Variants in DERL2 observed in about 807,000 individuals in gnomAD.
DERL2 encodes the protein derlin 2.
Under a neutral mutation model 32.0 loss-of-function variants are expected in DERL2, and 13 were observed. That is an observed-to-expected ratio of 0.41 (90% CI 0.26 to 0.65). DERL2 has a LOEUF of 0.65. Among genes scored for constraint, DERL2 ranks in the 30% least tolerant of loss-of-function variants. The pLI is 0.35. For missense variants in DERL2, 208 were observed against 296.3 expected, an observed-to-expected ratio of 0.70 and a Z score of 2.19; for synonymous variants, 111 against 104.7, an observed-to-expected ratio of 1.06 and a Z score of -0.37.
chr17:5,476,444 G>GTT (rs1246688605), intron 6 of DERL2, among the ~76,000 whole-genome samples: 3 of 152,168 alleles, frequency 2.0e-5, no homozygotes, highest in African/African-American at 7.2e-5. Flanking sequence ...GTCAATAAAC[G>GTT]TGAGAATGTT....
At position 5,474,937 on chromosome 17, in the gene DERL2, A is replaced by G; in HGVS notation, c.615-148T>C. 2.1e-6 allele frequency: 1 copy of G among 466,408 alleles called. No individual in the cohort carries two copies. Among genetic ancestry groups the G allele is most frequent in the South Asian group, 4.0e-5 (1 of 24,760 alleles). The allele number at this position is 466,408 out of a possible 1,614,324, so 28.9% of individuals were successfully genotyped here. ...TAAACAGTTAACATATTGTAAGAGC[A>G]TCTATAATTATTAACATTTACATTA... On this transcript the variant is annotated intron_variant, in intron 6 of 6. Coordinates refer to ENST00000158771, the MANE Select transcript of DERL2 (RefSeq NM_016041.5). The surrounding 1 kb of genome is among the most constrained non-coding windows in gnomAD (Gnocchi z 4.3).
At position 5,485,564 on chromosome 17, in the gene DERL2, G is replaced by A. The variant is rs145792174; in HGVS notation, c.94-348C>T. 2.5e-3 allele frequency among the ~76,000 whole-genome samples: 382 copies of A among 152,318 alleles called. 5 individuals are homozygous for A. Among genetic ancestry groups the A allele is most frequent in the Admixed American group, 0.021 (327 of 15,306 alleles). On this transcript the variant is annotated intron_variant, in intron 1 of 6. Transcript: ENST00000158771. ...TGGGCACCACCTGAAACAGCTGTAT[G>A]AAACAACAAAACTCACTTGAAATAA...
Position 5,485,158 on chromosome 17 carries a change from T to C in DERL2, c.152A>G (p.His51Arg). Residue 51 changes from histidine (H) to arginine (R), a missense_variant, in exon 2 of 7, where the codon CAC becomes CGC. Around this residue, in one of 3 missense-constraint regions of DERL2, gnomAD observed 124 missense variants for 215.3 expected, o/e 0.58. Coordinates refer to ENST00000158771, the MANE Select transcript of DERL2 (RefSeq NM_016041.5). ...TTGTGATGAACCACTTACTTGAAAGTGTTTAAAGATTAATTCAGGATTGAA... is the reference window on the plus strand; with the variant it reads ...TTGTGATGAACCACTTACTTGAAAGCGTTTAAAGATTAATTCAGGATTGAA... ...LYFNPELIFK[H>R]FQIWRLITNF... 8 of 1,583,618 alleles carry C rather than the reference T, an allele frequency of 5.1e-6. No individual in the cohort carries two copies. Among genetic ancestry groups the C allele is most frequent in the South Asian group, 2.3e-5 (2 of 85,928 alleles).
At chr17:5,482,965 T>C in intron 2 of DERL2, 83 bp from the exon 3 acceptor site, 1 of 732,390 alleles carries the variant, frequency 1.4e-6, no homozygotes, top group Non-Finnish European at 2.2e-6. Context: ...AAAAGAAACA[T>C]CCTATGACTG....
chr17:5,472,009 A>G lies in DERL2; in HGVS notation c.*2675T>C, dbSNP rs1905145562. On this transcript the variant is annotated 3_prime_UTR_variant, in exon 7 of 7. Coordinates refer to ENST00000158771, the MANE Select transcript of DERL2 (RefSeq NM_016041.5). ...AGAGGTATGAAAGATATGAGGACAT[A>G]CAAGAGTGACACAGAAAAAACAAGA... 1 of 152,240 alleles carries G rather than the reference A, an allele frequency of 6.6e-6. No homozygotes were observed. Among genetic ancestry groups the G allele is most frequent in the African/African-American group, 2.4e-5 (1 of 41,454 alleles). 9.4% of individuals were successfully genotyped at this position (152,240 alleles called of 1,614,324 possible). A position where few individuals can be genotyped will look rare whatever the true frequency, so the allele number is the denominator to read the frequency against.
chr17:5,486,352 C>T (rs939895848), upstream of DERL2: 11 of 441,988 alleles, frequency 2.5e-5, no homozygotes, highest in African/African-American at 2.7e-4. Flanking sequence ...GTTGCGTCGC[C>T]ACCGCCCCCC....
intron 2 of DERL2, among the ~76,000 whole-genome samples, chr17:5,484,707 T>C (rs1043495129): frequency 9.2e-5 from 14 of 152,186 alleles, no homozygotes; most frequent in African/African-American, 3.4e-4. Flanking sequence ...TGGACCATGG[T>C]GATAACACCA....
chr17:5,479,978 G>C lies in DERL2; in HGVS notation c.614+76C>G, dbSNP rs183640583. 4.2e-4 allele frequency: 367 copies of C among 881,348 alleles called. 2 individuals carry two copies. The East Asian group carries it at 4.5e-3, about 11-fold the overall frequency. The allele number at this position is 881,348 out of a possible 1,614,324, so 54.6% of individuals were successfully genotyped here. A position where few individuals can be genotyped will look rare whatever the true frequency, so the allele number is the denominator to read the frequency against. The stretch of plus-strand genomic sequence containing the variant: ...GAGCTATGTGTACTAGGAGCTAGGG[G>C]AGCCAAAGAAAACACAGATCATGCC... On this transcript the variant is annotated intron_variant, in intron 6 of 6. Transcript: ENST00000158771.
rs769138258 is a variant in DERL2, at chr17:5,480,176, G to A, written c.524-32C>T. The A allele has an allele frequency of 6.8e-6, 10 of 1,477,966 alleles. No individual in the cohort carries two copies. The South Asian group carries it at 1.1e-4, about 16-fold the overall frequency. The allele number at this position is 1,477,966 out of a possible 1,614,324, so 91.6% of individuals were successfully genotyped here. The stretch of plus-strand genomic sequence containing the variant: ...TCAAGCAGAAATAAAGGATGAGGGA[G>A]AGAATTAAAATTTAGATTGCAGGTA... On this transcript the variant is annotated intron_variant, in intron 5 of 6. Coordinates refer to ENST00000158771, the MANE Select transcript of DERL2 (RefSeq NM_016041.5).
At chr17:5,483,180 C>T (rs995760962) in intron 2 of DERL2, among the ~76,000 whole-genome samples, 1 of 151,770 alleles carries the variant, frequency 6.6e-6, no homozygotes, top group Non-Finnish European at 1.5e-5. Context: ...CTAGGTTAAT[C>T]GGCAGAACAG....
In DERL2 at chr17:5,474,358, T is replaced by A. The variant is rs142380077; in HGVS notation, c.*326A>T. ...TGAAACTTCCATTTACACCATGGCC[T>A]CATCTATCAAGAAGAGGAAGAAAAG... On this transcript the variant is annotated 3_prime_UTR_variant, in exon 7 of 7. Transcript: ENST00000158771. This position sits in a 1 kb window ranked among gnomAD's most constrained non-coding sequence, Gnocchi z 4.3. 6 of 191,156 alleles carry A rather than the reference T, an allele frequency of 3.1e-5. No homozygotes were observed. In the East Asian group the frequency reaches 6.5e-4, roughly 21 times the overall value. 11.8% of individuals were successfully genotyped at this position (191,156 alleles called of 1,614,324 possible).
At position 5,481,798 on chromosome 17, in the gene DERL2, T is replaced by C. The variant is rs936943530; in HGVS notation, c.234-409A>G. Among the ~76,000 whole-genome samples the C allele has an allele frequency of 7.9e-5, 12 of 152,046 alleles. No individual in the cohort carries two copies. Among genetic ancestry groups the C allele is most frequent in the African/African-American group, 2.4e-5 (1 of 41,414 alleles). On this transcript the variant is annotated intron_variant, in intron 3 of 6. Transcript: ENST00000158771. The surrounding 1 kb of genome is among the most constrained non-coding windows in gnomAD (Gnocchi z 4.4). ...CTGAGTAGCTGGGATTACAGTTGTG[T>C]GCCACCATGCCAGGCTATTTTTTGT...
In DERL2 at chr17:5,481,198, G is replaced by GA. The variant is rs370307468; in HGVS notation, c.327+97dup. Reference sequence around the variant, plus strand: ...GCTGTAAAATAAATGATAGTGCCCTGAAGCTAAGATCTAGAGAACTGTGGG... The same window carrying GA: ...GCTGTAAAATAAATGATAGTGCCCTGAAAGCTAAGATCTAGAGAACTGTGGG... On this transcript the variant is annotated intron_variant, in intron 4 of 6. Coordinates refer to ENST00000158771, the MANE Select transcript of DERL2 (RefSeq NM_016041.5). The surrounding 1 kb of genome is among the most constrained non-coding windows in gnomAD (Gnocchi z 4.4). 12 of 898,770 alleles carry GA rather than the reference G, an allele frequency of 1.3e-5. No homozygotes were observed. The highest frequency in any genetic ancestry group is 3.4e-5 in the African/African-American group (2 of 59,536). 55.7% of individuals were successfully genotyped at this position (898,770 alleles called of 1,614,324 possible).
upstream of DERL2, chr17:5,486,374 A>T: frequency 2.6e-6 from 1 of 379,250 alleles, no homozygotes; most frequent in Non-Finnish European, 4.5e-6. Flanking sequence ...CCAGCGCCCC[A>T]TCTCCCCACC....
intron 6 of DERL2, among the ~76,000 whole-genome samples, chr17:5,475,354 GATTCA>G (rs1229213065): frequency 6.6e-6 from 1 of 151,586 alleles, no homozygotes; most frequent in African/African-American, 2.4e-5. Flanking sequence ...CCGCCTCCCG[GATTCA>G]AGCAATTCTC....
chr17:5,483,232 G>T (rs1905918975), intron 2 of DERL2, among the ~76,000 whole-genome samples: 1 of 151,242 alleles, frequency 6.6e-6, no homozygotes, highest in Non-Finnish European at 1.5e-5. Flanking sequence ...ATAATAAATA[G>T]AACTGACATA....
intron 5 of DERL2, 54 bp downstream of exon 5, chr17:5,480,333 A>C: frequency 6.5e-7 from 1 of 1,535,140 alleles, no homozygotes; most frequent in South Asian, 1.2e-5. Flanking sequence ...GAAAAATAGT[A>C]ACAAAATACT....
Position 5,474,638 on chromosome 17 carries a change from A to C in DERL2, c.*46T>G. 7.0e-7 allele frequency: 1 copy of C among 1,431,648 alleles called. No individual in the cohort carries two copies. The highest frequency in any genetic ancestry group is 9.7e-7 in the Non-Finnish European group (1 of 1,033,362). The allele number at this position is 1,431,648 out of a possible 1,614,324, so 88.7% of individuals were successfully genotyped here. On this transcript the variant is annotated 3_prime_UTR_variant, in exon 7 of 7. Transcript: ENST00000158771. The surrounding 1 kb of genome is among the most constrained non-coding windows in gnomAD (Gnocchi z 4.3). ...CAAAGGATAAAAGATCCCAGTGGGT[A>C]TCACCGAGTCCTTCCCAGCTGGGTC...
At chr17:5,486,220 G>A, upstream of DERL2, 6 of 1,388,424 alleles carry the variant, frequency 4.3e-6, no homozygotes, top group Non-Finnish European at 5.7e-6. Flanking sequence ...CCGCCAGCAG[G>A]CCCCGGCGGC....
Sources: gnomAD v4.1 joint callset for allele counts (sites outside exome capture counted in the v4.1 genomes callset) on GRCh38, gnomAD v4.1.1 for gene constraint, gnomAD v4.1.1 regional missense constraint, Gnocchi (gnomAD v3.1) non-coding constraint, MANE v1.5 for transcripts, NCBI Gene and HGNC (gene_info 2026-07-23, HGNC 2026-07-21) for gene names.